The following RNF135 variants were observed in gnomAD, a reference collection of about 807,000 sequenced individuals.
RNF135 encodes the protein ring finger protein 135.
Under a neutral mutation model 41.9 loss-of-function variants are expected in RNF135, and 46 were observed. The observed-to-expected ratio is 1.10, with a 90% CI of 0.87 to 1.40. The LOEUF is 1.40. Among genes scored for constraint, RNF135 ranks in the 40% most tolerant of loss-of-function variants. The pLI, the probability that RNF135 is intolerant of heterozygous loss-of-function variation, is 0.00. For synonymous variants in RNF135, 238 were observed against 223.8 expected (o/e 1.06, Z -0.57); for missense variants, 539 against 549.8 (o/e 0.98, Z 0.20).
chr17:30,994,117 A>G (rs1276410166), intron 3 of RNF135, among the ~76,000 whole-genome samples: 2 of 152,362 alleles, frequency 1.3e-5, no homozygotes, highest in Middle Eastern at 3.4e-3. Flanking sequence ...ACATTTTTTA[A>G]AAACCTATTA....
At chr17:30,971,565 C>T in intron 1 of RNF135, 120 bp downstream of exon 1, 1 of 1,367,194 alleles carries the variant, frequency 7.3e-7, no homozygotes, top group Non-Finnish European at 9.4e-7. Context: ...TTTTCTCAGT[C>T]TAAAAGTCGA....
intron 1 of RNF135, among the ~76,000 whole-genome samples, chr17:30,980,480 G>T (rs1907024222): frequency 7.4e-6 from 1 of 135,864 alleles, no homozygotes. Flanking sequence ...CCCGGACGGG[G>T]CGGCTGGCCG....
chr17:30,979,368 T>TC (rs1228964364), intron 1 of RNF135, among the ~76,000 whole-genome samples: 3 of 53,894 alleles, frequency 5.6e-5, no homozygotes, highest in Admixed American at 1.9e-4. Flanking sequence ...CGGGGGGCTG[T>TC]CCCCCCCACC....
rs1225727279 is a variant in RNF135 at position 30,971,226 on chromosome 17, C to T, written c.153C>T (p.Ala51=). The part of the protein sequence containing the change: ...CRHCLEALWG[A]RDARRWACPT... ...ACTGCCTGGAGGCCCTGTGGGGCGCCCGCGACGCCCGCCGCTGGGCCTGCC... is the reference window on the plus strand; with the variant it reads ...ACTGCCTGGAGGCCCTGTGGGGCGCTCGCGACGCCCGCCGCTGGGCCTGCC... The change falls in exon 1 of 5, where the codon GCC becomes GCT. Residue 51 remains alanine (A), a synonymous_variant. Coordinates refer to ENST00000328381, the MANE Select transcript of RNF135 (RefSeq NM_032322.4). 52 of 1,512,592 alleles carry T rather than the reference C, an allele frequency of 3.4e-5. No individual in the cohort carries two copies. In the East Asian group the frequency reaches 1.3e-3, roughly 37 times the overall value. The allele number at this position is 1,512,592 out of a possible 1,614,324, so 93.7% of individuals were successfully genotyped here.
Position 30,997,339 on chromosome 17 carries a change from T to C in RNF135, c.769+8T>C, listed in dbSNP as rs776977831. On this transcript the variant is annotated splice_region_variant and intron_variant, in intron 4 of 4. Coordinates refer to ENST00000328381, the MANE Select transcript of RNF135 (RefSeq NM_032322.4). ...CTTCTCGGTTTGCTCAGTGTAAGTA[T>C]GTGGTCCACTTTAAACATGGGTTTG... is the stretch of plus-strand genomic sequence containing the variant. 51 of 1,612,450 alleles carry C rather than the reference T, an allele frequency of 3.2e-5. No homozygotes were observed. The highest frequency in any genetic ancestry group is 6.7e-5 in the Admixed American group (4 of 59,982).
intron 4 of RNF135, among the ~76,000 whole-genome samples, 174 bp from the exon 5 acceptor site, chr17:30,998,488 T>C (rs571676359): frequency 5.9e-5 from 9 of 152,314 alleles, no homozygotes; most frequent in African/African-American, 2.2e-4. Flanking sequence ...AGTTAGCATA[T>C]CTATCATCTG....
At chr17:30,970,672 T>G, upstream of RNF135, 3 of 228,860 alleles carry the variant, frequency 1.3e-5, no homozygotes, top group Non-Finnish European at 2.6e-5. Context: ...CTGAATGGAG[T>G]CCTCTCCTCC....
At chr17:30,995,719 CA>C (rs1035319697) in intron 3 of RNF135, among the ~76,000 whole-genome samples, 1 of 152,040 alleles carries the variant, frequency 6.6e-6, no homozygotes, top group African/African-American at 2.4e-5. Context: ...TAATGTCCTC[CA>C]AGCTCACCTA....
At chr17:30,982,734 G>A (rs1907245893) in intron 1 of RNF135, among the ~76,000 whole-genome samples, 1 of 151,954 alleles carries the variant, frequency 6.6e-6, no homozygotes, top group Non-Finnish European at 1.5e-5. Flanking sequence ...ACTTCTCTCT[G>A]GCCCTAAACC....
chr17:30,984,660 C>G lies in RNF135; in HGVS notation c.416C>G (p.Thr139Arg). The G allele has an allele frequency of 1.2e-6, 2 of 1,614,122 alleles. No individual in the cohort carries two copies. The highest frequency in any genetic ancestry group is 1.7e-6 in the Non-Finnish European group (2 of 1,180,004). Residue 139 changes from threonine (T) to arginine (R), a missense_variant, in exon 2 of 5, where the codon ACA (threonine) becomes AGA (arginine). Physicochemically the swap from Thr to Arg is moderately conservative, Grantham distance 71 (BLOSUM62 -1). Coordinates refer to ENST00000328381, the MANE Select transcript of RNF135 (RefSeq NM_032322.4). The stretch of plus-strand genomic sequence containing the variant: ...ATCACAGAAGTTGCTCAGGAGCTGA[C>G]AGAGCTGGTGGAACATCTTGTAGAC... ...KSITEVAQEL[T>R]ELVEHLVDIV...
intron 2 of RNF135, among the ~76,000 whole-genome samples, chr17:30,986,281 CCGCCTCCT>C (rs1304917535): frequency 3.3e-5 from 5 of 151,708 alleles, no homozygotes; most frequent in Admixed American, 3.3e-4. Context: ...ATTGCAACCT[CCGCCTCCT>C]AGGTTCAAGT....
chr17:30,971,635 C>A (rs902554112), intron 1 of RNF135, 190 bp downstream of exon 1: 1 of 1,353,536 alleles, frequency 7.4e-7, no homozygotes, highest in Non-Finnish European at 9.4e-7. Flanking sequence ...TAGAAAAAAA[C>A]AAATTCCCCA....
At chr17:30,976,024 T>A (rs1906427724) in intron 1 of RNF135, 1 of 293,248 alleles carries the variant, frequency 3.4e-6, no homozygotes, top group Admixed American at 4.5e-5. Context: ...TTTGTTTTTT[T>A]GAGATGGCGT....
At chr17:30,989,351 C>G (rs1173945013) in intron 3 of RNF135, among the ~76,000 whole-genome samples, 1 of 151,988 alleles carries the variant, frequency 6.6e-6, no homozygotes, top group East Asian at 1.9e-4. Flanking sequence ...AGAGGGAGAT[C>G]TTGTCTACAA....
At chr17:30,962,475 G>GT in the RNF135 span, among the ~76,000 whole-genome samples, 3 of 147,200 alleles carry the variant, frequency 2.0e-5, no homozygotes, top group African/African-American at 5.0e-5. Flanking sequence ...TTACATTTTT[G>GT]TTTTTTTTGA....
At chr17:30,977,397 A>G (rs1284029049) in intron 1 of RNF135, among the ~76,000 whole-genome samples, 1 of 152,066 alleles carries the variant, frequency 6.6e-6, no homozygotes, top group Non-Finnish European at 1.5e-5. Context: ...GTTTTGAGAC[A>G]GAGTTTTACT....
intron 3 of RNF135, among the ~76,000 whole-genome samples, chr17:30,988,705 C>T (rs1288381867): frequency 4.0e-5 from 6 of 150,698 alleles, no homozygotes; most frequent in African/African-American, 1.5e-4. Flanking sequence ...GGATTACAGG[C>T]GTGAGCCACC....
intron 1 of RNF135, chr17:30,979,182 G>T (rs1364563368): frequency 6.5e-6 from 1 of 154,074 alleles, no homozygotes; most frequent in African/African-American, 2.5e-5. Flanking sequence ...CAGTAGGGGC[G>T]GCCGGGCAGA....
chr17:30,994,868 C>T, intron 3 of RNF135, among the ~76,000 whole-genome samples: 1 of 151,484 alleles, frequency 6.6e-6, no homozygotes, highest in South Asian at 2.1e-4. Flanking sequence ...AAACTCCTGG[C>T]CTCAGGTGAT....
Sources: gnomAD v4.1 joint callset for allele counts (sites outside exome capture counted in the v4.1 genomes callset) on GRCh38, gnomAD v4.1.1 for gene constraint, MANE v1.5 for transcripts, NCBI Gene and HGNC (gene_info 2026-07-23, HGNC 2026-07-21) for gene names.